The following AGBL1 variants were observed in gnomAD, a reference collection of about 807,000 sequenced individuals.
AGBL1 encodes AGBL carboxypeptidase 1.
Under a neutral mutation model 118.9 loss-of-function variants are expected in AGBL1, and 130 were observed. That is an observed-to-expected ratio of 1.09 (90% CI 0.95 to 1.26). AGBL1 has a LOEUF of 1.26. Ranked by LOEUF, AGBL1 falls within the 50% of genes most tolerant of loss-of-function variation. The pLI is 0.00. For missense variants in AGBL1, 1,584 were observed against 1,298.1 expected (o/e 1.22, Z -3.38); for synonymous variants, 555 against 478.9 (o/e 1.16, Z -2.08).
At chr15:86,086,356 A>G (rs1257338552) in intron 1 of AGBL1, 2 of 152,182 alleles carry the variant, frequency 1.3e-5, no homozygotes, top group South Asian at 4.1e-4. Context: ...TGTGAGTCCC[A>G]TCTCCTTTAC....
chr15:86,663,432 G>T (rs996731988), intron 21 of AGBL1, among the ~76,000 whole-genome samples: 11 of 152,122 alleles, frequency 7.2e-5, no homozygotes, highest in African/African-American at 2.7e-4. Flanking sequence ...TAGAGACCCA[G>T]GTCTAAAGAG....
At chr15:86,102,188 G>T (rs919112939) in intron 1 of AGBL1, among the ~76,000 whole-genome samples, 1 of 151,860 alleles carries the variant, frequency 6.6e-6, no homozygotes, top group Admixed American at 6.6e-5. Flanking sequence ...CTACAGAAAC[G>T]CACCAGCATG....
At chr15:86,916,282 A>G (rs2080421257), downstream of AGBL1, 1 of 152,208 alleles carries the variant, frequency 6.6e-6, no homozygotes, top group South Asian at 2.1e-4. Context: ...CAGCCTGTCC[A>G]AGGAGGCAAG....
intron 19 of AGBL1, among the ~76,000 whole-genome samples, chr15:86,529,754 G>C (rs986951519): frequency 8.6e-5 from 13 of 151,916 alleles, no homozygotes; most frequent in South Asian, 2.1e-4. Flanking sequence ...ACTAACAGCG[G>C]ATCTCTCGGC....
At chr15:86,773,401 G>A (rs2078208714) in intron 22 of AGBL1, among the ~76,000 whole-genome samples, 1 of 151,944 alleles carries the variant, frequency 6.6e-6, no homozygotes, top group South Asian at 2.1e-4. Flanking sequence ...CCCATAGAAA[G>A]TGGATGTCAA....
intron 22 of AGBL1, among the ~76,000 whole-genome samples, chr15:86,783,933 C>A (rs144057731): frequency 2.0e-5 from 3 of 152,246 alleles, no homozygotes; most frequent in South Asian, 4.1e-4. Flanking sequence ...GCCTTGCCCC[C>A]ACTTTTCTTA....
intron 21 of AGBL1, among the ~76,000 whole-genome samples, chr15:86,598,884 A>G (rs1435972633): frequency 6.6e-6 from 1 of 152,204 alleles, no homozygotes; most frequent in African/African-American, 2.4e-5. Flanking sequence ...TGATATTAAC[A>G]AGAAATCTGA....
chr15:86,749,788 T>C (rs1375356109), intron 22 of AGBL1, among the ~76,000 whole-genome samples: 3 of 152,170 alleles, frequency 2.0e-5, no homozygotes, highest in Non-Finnish European at 2.9e-5. Flanking sequence ...TTGTCTTTGG[T>C]TCTGTTTATA....
At chr15:86,527,509 T>C (rs1334185574) in intron 19 of AGBL1, among the ~76,000 whole-genome samples, 2 of 152,156 alleles carry the variant, frequency 1.3e-5, no homozygotes, top group East Asian at 1.9e-4. Context: ...CATCACCTTT[T>C]AGTTACCTAG....
chr15:86,527,747 G>A (rs773960024), intron 19 of AGBL1, among the ~76,000 whole-genome samples: 3 of 152,210 alleles, frequency 2.0e-5, no homozygotes, highest in Non-Finnish European at 4.4e-5. Flanking sequence ...TTATTGGTGA[G>A]TGGATTAATA....
intron 22 of AGBL1, among the ~76,000 whole-genome samples, chr15:86,758,280 C>T (rs2077970802): frequency 6.6e-6 from 1 of 152,060 alleles, no homozygotes; most frequent in African/African-American, 2.4e-5. Context: ...AAGGTCTTTG[C>T]ATAGTTTCTG....
At chr15:86,960,579 T>C (rs1475548645) in intron 23 of AGBL1, among the ~76,000 whole-genome samples, 1 of 151,872 alleles carries the variant, frequency 6.6e-6, no homozygotes, top group Non-Finnish European at 1.5e-5. Context: ...AAATTAAAAA[T>C]AGAACTACAA....
chr15:86,770,466 C>A (rs1315888039), intron 22 of AGBL1, among the ~76,000 whole-genome samples: 1 of 151,948 alleles, frequency 6.6e-6, no homozygotes, highest in Non-Finnish European at 1.5e-5. Flanking sequence ...CAGTTTCCTA[C>A]AACAGAATTA....
Position 86,486,299 on chromosome 15 carries a change from G to A in AGBL1, c.2556-36511G>A, listed in dbSNP as rs114393228. On this transcript the variant is annotated intron_variant, in intron 18 of 22. Coordinates refer to ENST00000614907, the MANE Select transcript of AGBL1 (RefSeq NM_001386094.1). ...CTTTTGCCCAGTTTACCTTTCCCTC[G>A]TTTGTCCCTTCTATTTCCATATTCT... 2.8e-3 allele frequency among the ~76,000 whole-genome samples: 430 copies of A among 151,974 alleles called. 3 individuals are homozygous for A. The highest frequency in any genetic ancestry group is 9.3e-3 in the African/African-American group (384 of 41,438).
At chr15:86,210,212 G>A (rs898543102) in intron 5 of AGBL1, among the ~76,000 whole-genome samples, 1 of 152,130 alleles carries the variant, frequency 6.6e-6, no homozygotes, top group Non-Finnish European at 1.5e-5. Context: ...TTCCCTTTGT[G>A]GGTAACTTGA....
intron 22 of AGBL1, among the ~76,000 whole-genome samples, chr15:86,769,204 A>AGG (rs2078138947): frequency 1.7e-5 from 1 of 60,276 alleles, no homozygotes; most frequent in Non-Finnish European, 3.2e-5. Flanking sequence ...AGAAAGAGGG[A>AGG]GAGAGAGAGA....
chr15:86,933,657 C>T (rs899057815), intron 23 of AGBL1, among the ~76,000 whole-genome samples: 3 of 152,136 alleles, frequency 2.0e-5, no homozygotes, highest in African/African-American at 7.2e-5. Context: ...GTGATTACAT[C>T]CCCTCCTCAA....
chr15:86,202,427 T>G (rs2077921991), intron 5 of AGBL1, among the ~76,000 whole-genome samples: 1 of 152,242 alleles, frequency 6.6e-6, no homozygotes, highest in Non-Finnish European at 1.5e-5. Context: ...ATCCTTGTGC[T>G]ATAGAGATCA....
chr15:86,212,714 A>T (rs62013785), intron 5 of AGBL1, among the ~76,000 whole-genome samples: 7,265 of 152,140 alleles, frequency 0.048, 304 homozygotes, highest in African/African-American at 0.11. Flanking sequence ...CAATGGCGTG[A>T]TCTTGGCACA....
Sources: gnomAD v4.1 joint callset for allele counts (sites outside exome capture counted in the v4.1 genomes callset) on GRCh38, gnomAD v4.1.1 for gene constraint, MANE v1.5 for transcripts, NCBI Gene and HGNC (gene_info 2026-07-23, HGNC 2026-07-21) for gene names.